TPO: variants seen among roughly 807,000 people sequenced by gnomAD.
The protein encoded by TPO is thyroid peroxidase, also known as thyroid microsomal antigen.
TPO carries 78 observed loss-of-function variants against 96.9 expected under a neutral mutation model. The ratio of observed to expected loss-of-function variants is 0.81; its 90% CI spans 0.67 to 0.97. The LOEUF (loss-of-function observed/expected upper bound fraction) is 0.97, where lower values mean the gene tolerates loss of function less well. TPO is among the 50% of genes least tolerant of loss of function. The probability of loss-of-function intolerance (pLI) is 0.00; values close to 1 mark genes in which losing one functional copy is unlikely to be tolerated. For synonymous variants in TPO, 547 were observed against 538.0 expected (o/e 1.02, Z -0.23); for missense variants, 1,252 against 1,274.8 (o/e 0.98, Z 0.27).
chr2:1,497,253 G>A (rs893206542), intron 13 of TPO, among the ~76,000 whole-genome samples: 12 of 152,204 alleles, frequency 7.9e-5, no homozygotes, highest in Non-Finnish European at 1.6e-4. Context: ...GCTTCCTGGC[G>A]GTAATTTGAG....
At chr2:1,388,858 G>A (rs1387744112) in intron 1 of TPO, among the ~76,000 whole-genome samples, 4 of 152,108 alleles carry the variant, frequency 2.6e-5, no homozygotes, top group Non-Finnish European at 2.9e-5. Flanking sequence ...GGAACTGCCC[G>A]ACGTTAATCA....
chr2:1,474,844 G>A (rs1669751627), intron 7 of TPO, among the ~76,000 whole-genome samples: 1 of 152,182 alleles, frequency 6.6e-6, no homozygotes, highest in Non-Finnish European at 1.5e-5. Context: ...GTGAAGCAGG[G>A]CTTCATGTTT....
intron 1 of TPO, among the ~76,000 whole-genome samples, chr2:1,383,506 T>C (rs1030457876): frequency 6.6e-6 from 1 of 152,254 alleles, no homozygotes; most frequent in South Asian, 2.1e-4. Flanking sequence ...ATGTGTCTGT[T>C]GGCTGCATAA....
chr2:1,542,222 T>C lies in TPO; in HGVS notation c.2749-199T>C. 5.7e-6 allele frequency: 4 copies of C among 705,912 alleles called. No individual in the cohort carries two copies. In the South Asian group the frequency reaches 7.2e-5, roughly 13 times the overall value. 43.7% of individuals were successfully genotyped at this position (705,912 alleles called of 1,614,324 possible). ...GAACCTTTGCCACGTGGATCCTCTG[T>C]GGCCTCCTGCAAACAAGCATTTGTC... On this transcript the variant is annotated intron_variant, in intron 16 of 16. Coordinates refer to ENST00000329066, the MANE Select transcript of TPO (RefSeq NM_001206744.2).
At chr2:1,486,249 C>T (rs28911470) in intron 9 of TPO, among the ~76,000 whole-genome samples, 2,140 of 152,220 alleles carry the variant, frequency 0.014, 57 homozygotes, top group African/African-American at 0.049. Flanking sequence ...GGCTCAGGCA[C>T]GGTGGCTTAC....
At chr2:1,508,213 C>A (rs1477060723) in intron 14 of TPO, among the ~76,000 whole-genome samples, 1 of 152,068 alleles carries the variant, frequency 6.6e-6, no homozygotes, top group East Asian at 1.9e-4. Context: ...GTTGAACCAG[C>A]CTTGCATCCC....
intron 13 of TPO, among the ~76,000 whole-genome samples, chr2:1,500,993 C>T (rs889515054): frequency 2.0e-5 from 3 of 148,054 alleles, no homozygotes; most frequent in Admixed American, 1.3e-4. Context: ...AAAAAACTGG[C>T]AAATGCATTG....
chr2:1,525,119 G>C (rs1381820742), intron 15 of TPO, among the ~76,000 whole-genome samples: 3 of 75,214 alleles, frequency 4.0e-5, no homozygotes, highest in Non-Finnish European at 7.4e-5. Context: ...TCCCCAAACT[G>C]TGTGCAACCT....
chr2:1,462,757 T>G (rs957826915), intron 7 of TPO, among the ~76,000 whole-genome samples: 2 of 152,186 alleles, frequency 1.3e-5, no homozygotes, highest in Admixed American at 1.3e-4. Flanking sequence ...ACCACAAGAA[T>G]CTTCCCTAGG....
intron 6 of TPO, among the ~76,000 whole-genome samples, chr2:1,454,467 C>T (rs1012446199): frequency 6.6e-6 from 1 of 152,120 alleles, no homozygotes; most frequent in Non-Finnish European, 1.5e-5. Context: ...AGTTCCCCTA[C>T]AAAAGCCAAC....
At position 1,542,881 on chromosome 2, in the gene TPO, A is replaced by G; in HGVS notation, c.*407A>G. The G allele has an allele frequency of 3.0e-6, 1 of 338,560 alleles. No homozygotes were observed. 21.0% of individuals were successfully genotyped at this position (338,560 alleles called of 1,614,324 possible). A position where few individuals can be genotyped will look rare whatever the true frequency, so the allele number is the denominator to read the frequency against. The stretch of plus-strand genomic sequence containing the variant: ...ACCCCCTGCCCATCACCAGGTGTCC[A>G]CAGGGCCTACATCTGGCTTCCCTCT... On this transcript the variant is annotated 3_prime_UTR_variant, in exon 17 of 17. Coordinates refer to ENST00000329066, the MANE Select transcript of TPO (RefSeq NM_001206744.2).
rs370278789 is a variant in TPO at position 1,496,812 on chromosome 2, G to T, written c.2386+47G>T. On this transcript the variant is annotated intron_variant, in intron 13 of 16. Coordinates refer to ENST00000329066, the MANE Select transcript of TPO (RefSeq NM_001206744.2). ...AATTACAAAACATCTGAATGTTTCCGATATAAGTTAACAATGCAATGTCAT... is the reference window on the plus strand; with the variant it reads ...AATTACAAAACATCTGAATGTTTCCTATATAAGTTAACAATGCAATGTCAT... The T allele has an allele frequency of 4.3e-6, 7 of 1,612,334 alleles. No individual in the cohort carries two copies. In the African/African-American group the frequency reaches 5.3e-5, roughly 12 times the overall value.
At chr2:1,432,443 C>G (rs1408602450) in intron 3 of TPO, among the ~76,000 whole-genome samples, 1 of 152,182 alleles carries the variant, frequency 6.6e-6, no homozygotes, top group Non-Finnish European at 1.5e-5. Context: ...CTAAAAAGGC[C>G]AGGTGCTTGT....
At chr2:1,392,219 G>C (rs1222667137) in intron 1 of TPO, among the ~76,000 whole-genome samples, 1 of 152,178 alleles carries the variant, frequency 6.6e-6, no homozygotes. Flanking sequence ...AGGAAAGGCT[G>C]CTGAATTTCA....
At chr2:1,478,422 T>G (rs1336833216) in intron 8 of TPO, 1 of 983,210 alleles carries the variant, frequency 1.0e-6, no homozygotes, top group African/African-American at 1.7e-5. Flanking sequence ...GCGTCAGTCC[T>G]GTTCTAAAGG....
chr2:1,463,312 C>T lies in TPO; in HGVS notation c.819+7030C>T, dbSNP rs541326595. Among the ~76,000 whole-genome samples, 3 of 152,304 alleles carry T rather than the reference C, an allele frequency of 2.0e-5. No individual in the cohort carries two copies. The South Asian group carries it at 6.2e-4, about 32-fold the overall frequency. ...TCACTCCAGTGAGATGAAAAATATA[C>T]CGTATACTCTAGGAGTAGCTCCATA... On this transcript the variant is annotated intron_variant, in intron 7 of 16. Transcript: ENST00000329066.
chr2:1,497,332 C>T (rs1382120582), intron 13 of TPO, among the ~76,000 whole-genome samples: 2 of 152,232 alleles, frequency 1.3e-5, no homozygotes, highest in African/African-American at 2.4e-5. Flanking sequence ...CCTGCTCCTC[C>T]CATGTGCTGG....
At chr2:1,491,656 A>G (rs906604409) in intron 10 of TPO, among the ~76,000 whole-genome samples, 6 of 152,216 alleles carry the variant, frequency 3.9e-5, no homozygotes, top group African/African-American at 1.4e-4. Context: ...GTGGCAAGCA[A>G]TGGGCGTCTG....
Position 1,492,546 on chromosome 2 carries a change from C to CT in TPO, c.1769-1253dup, listed in dbSNP as rs890371025. On this transcript the variant is annotated intron_variant, in intron 10 of 16. Coordinates refer to ENST00000329066, the MANE Select transcript of TPO (RefSeq NM_001206744.2). ...CTCTTCTTCCAAGTTGTTCCCACCC[C>CT]TTTGCTCCATGAGTCTGTTTACCAC... Among the ~76,000 whole-genome samples, 25 of 152,226 alleles carry CT rather than the reference C, an allele frequency of 1.6e-4. 1 individual carries two copies. Among genetic ancestry groups the CT allele is most frequent in the Non-Finnish European group, 2.8e-4 (19 of 68,044 alleles).
Sources: gnomAD v4.1 joint callset for allele counts (sites outside exome capture counted in the v4.1 genomes callset) on GRCh38, gnomAD v4.1.1 for gene constraint, MANE v1.5 for transcripts, NCBI Gene and HGNC (gene_info 2026-07-23, HGNC 2026-07-21) for gene names.